LGMN: variants seen among roughly 807,000 people sequenced by gnomAD.
LGMN encodes the protein legumain, also known as asparaginyl endopeptidase.
Under a neutral mutation model 56.8 loss-of-function variants are expected in LGMN, and 36 were observed. The observed-to-expected ratio is 0.63, with a 90% CI of 0.49 to 0.84. The LOEUF (loss-of-function observed/expected upper bound fraction) is 0.84. Among genes scored for constraint, LGMN ranks in the 40% least tolerant of loss-of-function variants. The pLI is 0.00. For synonymous variants in LGMN, 199 were observed against 210.1 expected (o/e 0.95, Z 0.46); for missense variants, 446 against 556.1 (o/e 0.80, Z 1.99).
At chr14:92,704,413 G>T in intron 13 of LGMN, 52 bp from the exon 14 acceptor site, 1 of 1,469,392 alleles carries the variant, frequency 6.8e-7, no homozygotes. Context: ...TCTGAAGAAA[G>T]GCAGACAAAC....
chr14:92,738,676 C>T (rs959359321), intron 1 of LGMN, among the ~76,000 whole-genome samples: 1 of 152,010 alleles, frequency 6.6e-6, no homozygotes, highest in Admixed American at 6.6e-5. Flanking sequence ...GACTACAACG[C>T]TATATTAAAA....
chr14:92,747,943 T>C (rs1891891471), intron 1 of LGMN, among the ~76,000 whole-genome samples: 1 of 152,124 alleles, frequency 6.6e-6, no homozygotes, highest in South Asian at 2.1e-4. Context: ...ACTTCCAAGA[T>C]TGAAGCGGGT....
chr14:92,719,311 ACCGCCGCCG>A (rs1212696403), intron 2 of LGMN, among the ~76,000 whole-genome samples: 891 of 77,252 alleles, frequency 0.012, 38 homozygotes, highest in African/African-American at 0.017. Context: ...CACCGCCGCC[ACCGCCGCCG>A]CCGCCACCGC....
chr14:92,744,324 T>C (rs997171781), intron 1 of LGMN, among the ~76,000 whole-genome samples: 1 of 152,182 alleles, frequency 6.6e-6, no homozygotes, highest in Non-Finnish European at 1.5e-5. Flanking sequence ...TTCTGCATAC[T>C]ATGGGTAACA....
At chr14:92,732,916 C>T (rs1415875492) in intron 1 of LGMN, 101 bp from the exon 2 acceptor site, 19 of 859,634 alleles carry the variant, frequency 2.2e-5, no homozygotes, top group South Asian at 3.7e-5. Context: ...TTTGGGAGGC[C>T]GAGGAGGGTG....
At position 92,704,701 on chromosome 14, in the gene LGMN, A is replaced by G. The variant is rs1299878170; in HGVS notation, c.1198T>C (p.Tyr400His). 1 of 1,612,842 alleles carries G rather than the reference A, an allele frequency of 6.2e-7. No homozygotes were observed. The highest frequency in any genetic ancestry group is 2.2e-5 in the East Asian group (1 of 44,868). ...AGCACGTACAAATGTCTCAACGCAT[A>G]CTCGTACTGGGAGAAAACAAACGAG... ...CFNWHSPTYE[Y>H]ALRHLYVLVN... The change falls in exon 13 of 14, where the codon TAT becomes CAT. Residue 400 changes from tyrosine to histidine, a missense_variant. Coordinates refer to ENST00000334869, the MANE Select transcript of LGMN (RefSeq NM_005606.7).
chr14:92,710,617 ACC>A lies in LGMN; in HGVS notation c.820-747_820-746del, dbSNP rs1300453690. ...TAACAACAGTTCTAAAATCAGCAAT[ACC>A]ACACACACCAATCTATATAAAAACA... On this transcript the variant is annotated intron_variant, in intron 10 of 13. Coordinates refer to ENST00000334869, the MANE Select transcript of LGMN (RefSeq NM_005606.7). 2.8e-3 allele frequency among the ~76,000 whole-genome samples: 431 copies of A among 152,334 alleles called. 3 individuals are homozygous for A. The highest frequency in any genetic ancestry group is 9.6e-3 in the African/African-American group (400 of 41,582).
intron 11 of LGMN, among the ~76,000 whole-genome samples, chr14:92,708,653 C>T (rs534508046): frequency 1.5e-4 from 22 of 151,522 alleles, no homozygotes; most frequent in Non-Finnish European, 2.8e-4. Context: ...GTCAGGAGTT[C>T]GAGACCAGCC....
intron 11 of LGMN, among the ~76,000 whole-genome samples, chr14:92,706,893 A>T (rs1328575500): frequency 6.6e-6 from 1 of 152,178 alleles, no homozygotes; most frequent in African/African-American, 2.4e-5. Flanking sequence ...CATTTGTATC[A>T]AAAAACAACC....
At chr14:92,734,842 A>T (rs553692790) in intron 1 of LGMN, among the ~76,000 whole-genome samples, 1 of 152,236 alleles carries the variant, frequency 6.6e-6, no homozygotes, top group African/African-American at 2.4e-5. Context: ...TTCTGTCCCA[A>T]TGCCACAAGC....
chr14:92,720,050 G>C (rs1472051806), intron 2 of LGMN, among the ~76,000 whole-genome samples: 3 of 152,212 alleles, frequency 2.0e-5, no homozygotes, highest in Admixed American at 1.3e-4. Flanking sequence ...CTTTGCCTGT[G>C]GATGTCCCAA....
At chr14:92,707,439 C>CA (rs1336046689) in intron 11 of LGMN, among the ~76,000 whole-genome samples, 1 of 152,190 alleles carries the variant, frequency 6.6e-6, no homozygotes, top group East Asian at 1.9e-4. Context: ...GTCTTCCCTT[C>CA]CTCAACTCTG....
chr14:92,722,583 C>CAAAACA (rs1415236938), intron 2 of LGMN, among the ~76,000 whole-genome samples: 1 of 151,166 alleles, frequency 6.6e-6, no homozygotes, highest in East Asian at 1.9e-4. Context: ...GACTCTGTCT[C>CAAAACA]AAAACAAAAA....
chr14:92,711,977 C>G (rs762334756), intron 8 of LGMN, 22 bp from the exon 9 acceptor site: 1 of 1,532,094 alleles, frequency 6.5e-7, no homozygotes, highest in Non-Finnish European at 9.0e-7. Context: ...TAAAGATGAT[C>G]TTTTAGTTGC....
intron 3 of LGMN, among the ~76,000 whole-genome samples, chr14:92,718,039 C>A (rs1890159852): frequency 6.6e-6 from 1 of 152,152 alleles, no homozygotes; most frequent in African/African-American, 2.4e-5. Flanking sequence ...AAGTTAAACT[C>A]AGCAAGTAAT....
Position 92,711,920 on chromosome 14 carries a change from A to T in LGMN, c.646T>A (p.Ser216Thr). ...ATTAANPRES[S>T]YACYYDEKRS... is the part of the protein sequence containing the mutation. ...TTCTCATCATAGTAACAGGCGTAGGACGACTCTCTGGGGTTGGCAGCAGTA... is the reference window on the plus strand; with the variant it reads ...TTCTCATCATAGTAACAGGCGTAGGTCGACTCTCTGGGGTTGGCAGCAGTA... Residue 216 changes from serine to threonine, a missense_variant, in exon 9 of 14, where the codon TCC becomes ACC. Physicochemically the swap from Ser to Thr is moderately conservative, Grantham distance 58 (BLOSUM62 1). Coordinates refer to ENST00000334869, the MANE Select transcript of LGMN (RefSeq NM_005606.7). 1 of 1,614,108 alleles carries T rather than the reference A, an allele frequency of 6.2e-7. No individual in the cohort carries two copies. Among genetic ancestry groups the T allele is most frequent in the Non-Finnish European group, 8.5e-7 (1 of 1,179,952 alleles).
intron 2 of LGMN, among the ~76,000 whole-genome samples, chr14:92,731,921 G>A (rs1022424566): frequency 6.6e-6 from 1 of 152,210 alleles, no homozygotes; most frequent in Admixed American, 6.5e-5. Context: ...AGGGAGGCTG[G>A]ACTTTTCATG....
chr14:92,726,735 G>T (rs1406269883), intron 2 of LGMN, among the ~76,000 whole-genome samples: 1 of 152,024 alleles, frequency 6.6e-6, no homozygotes, highest in Non-Finnish European at 1.5e-5. Context: ...CCATCTACCT[G>T]GGCCATGCAC....
chr14:92,706,559 G>C lies in LGMN; in HGVS notation c.1115C>G (p.Pro372Arg), dbSNP rs765350803. The C allele has an allele frequency of 3.1e-5, 50 of 1,603,016 alleles. No individual in the cohort carries two copies. Among genetic ancestry groups the C allele is most frequent in the Middle Eastern group, 1.7e-4 (1 of 6,000 alleles). The change falls in exon 12 of 14, where the codon CCG becomes CGG. Residue 372 changes from proline (P) to arginine (R), a missense_variant. Physicochemically the swap from Pro to Arg is moderately radical, Grantham distance 103. Transcript: ENST00000334869. ...TGGGTAGCAGCTGTGCCCCGTGAGCGGGGCTCTCTCGGACAGGAGCTGCTC... is the reference window on the plus strand; with the variant it reads ...TGGGTAGCAGCTGTGCCCCGTGAGCCGGGCTCTCTCGGACAGGAGCTGCTC... ...EVEQLLSERA[P>R]LTGHSCYPEA...
Sources: gnomAD v4.1 joint callset for allele counts (sites outside exome capture counted in the v4.1 genomes callset) on GRCh38, gnomAD v4.1.1 for gene constraint, MANE v1.5 for transcripts, NCBI Gene and HGNC (gene_info 2026-07-23, HGNC 2026-07-21) for gene names.